Variants in ART4 observed in about 807,000 individuals in gnomAD.
The protein encoded by ART4 is ecto-ADP-ribosyltransferase 4.
ART4 carries 14 observed loss-of-function variants against 24.2 expected under a neutral mutation model. That is an observed-to-expected ratio of 0.58 (90% CI 0.38 to 0.90). ART4 has a LOEUF of 0.90. Ranked by LOEUF, ART4 falls within the 40% of genes least tolerant of loss-of-function variation. ART4 has a pLI of 0.00. For synonymous variants in ART4, 145 were observed against 139.9 expected, an observed-to-expected ratio of 1.04 and a Z score of -0.26; for missense variants, 356 against 366.6, an observed-to-expected ratio of 0.97 and a Z score of 0.24.
At chr12:14,841,918 T>G (rs1377606470) in intron 1 of ART4, among the ~76,000 whole-genome samples, 5 of 152,142 alleles carry the variant, frequency 3.3e-5, no homozygotes, top group African/African-American at 4.8e-5. Context: ...AGAGCCAAAC[T>G]CAGCACACCC....
rs1410302206 is a variant in ART4, at chr12:14,827,127, C to T, written c.*2244G>A. 1 of 151,658 alleles carries T rather than the reference C, an allele frequency of 6.6e-6. No individual in the cohort carries two copies. The highest frequency in any genetic ancestry group is 1.5e-5 in the Non-Finnish European group (1 of 67,990). 9.4% of individuals were successfully genotyped at this position (151,658 alleles called of 1,614,324 possible). On this transcript the variant is annotated 3_prime_UTR_variant, in exon 3 of 3. Transcript: ENST00000228936. Reference sequence around the variant, plus strand: ...AATTTCTCCTAAGAGATTGTAAACTCATGAGAGATCTGGCCTAGTGTTCTT... The same window carrying T: ...AATTTCTCCTAAGAGATTGTAAACTTATGAGAGATCTGGCCTAGTGTTCTT...
intron 2 of ART4, among the ~76,000 whole-genome samples, chr12:14,829,834 C>T (rs1950382126): frequency 6.6e-6 from 1 of 152,190 alleles, no homozygotes; most frequent in Non-Finnish European, 1.5e-5. Flanking sequence ...GTGCTAGGAT[C>T]TATTTCGAGC....
rs1950368687 is a variant in ART4 at position 14,827,769 on chromosome 12, A to G, written c.*1602T>C. The G allele has an allele frequency of 6.6e-6, 1 of 152,196 alleles. No individual in the cohort carries two copies. Among genetic ancestry groups the G allele is most frequent in the African/African-American group, 2.4e-5 (1 of 41,446 alleles). The allele number at this position is 152,196 out of a possible 1,614,324, so 9.4% of individuals were successfully genotyped here. ...GTGACAGAGGTGATTTGGCCCTGTT[A>G]GTTTCAAATCCCAATTTAAAGAATG... On this transcript the variant is annotated 3_prime_UTR_variant, in exon 3 of 3. Transcript: ENST00000228936.
At position 14,840,665 on chromosome 12, in the gene ART4, G is replaced by T. The variant is rs753518596; in HGVS notation, c.633C>A (p.Ser211=). 1 of 1,614,126 alleles carries T rather than the reference G, an allele frequency of 6.2e-7. No individual in the cohort carries two copies. The highest frequency in any genetic ancestry group is 8.5e-7 in the Non-Finnish European group (1 of 1,180,016). ...ACTCCTGTGCCTCTTCTTTCAGGAGGGATGTGGAGAGGAATTGGCCAAATC... is the reference window on the plus strand; with the variant it reads ...ACTCCTGTGCCTCTTCTTTCAGGAGTGATGTGGAGAGGAATTGGCCAAATC... The part of the protein sequence containing the change: ...TIRFGQFLST[S]LLKEEAQEFG... The change falls in exon 2 of 3, where the codon TCC becomes TCA. Residue 211 remains serine (S), a synonymous_variant. Transcript: ENST00000228936.
At position 14,826,052 on chromosome 12, in the gene ART4, A is replaced by G. The variant is rs551981933; in HGVS notation, c.*3319T>C. Reference sequence around the variant, plus strand: ...TGCATGAATTTACACATATTTGAGCATCCGCCTTATCTTTGGAAGATATCC... The same window carrying G: ...TGCATGAATTTACACATATTTGAGCGTCCGCCTTATCTTTGGAAGATATCC... On this transcript the variant is annotated 3_prime_UTR_variant, in exon 3 of 3. Transcript: ENST00000228936. The G allele has an allele frequency of 4.2e-4, 64 of 152,336 alleles. 1 individual carries two copies. The highest frequency in any genetic ancestry group is 1.4e-3 in the African/African-American group (60 of 41,584). The allele number at this position is 152,336 out of a possible 1,614,324, so 9.4% of individuals were successfully genotyped here. A position where few individuals can be genotyped will look rare whatever the true frequency, so the allele number is the denominator to read the frequency against.
intron 2 of ART4, among the ~76,000 whole-genome samples, chr12:14,833,836 C>G (rs1188623597): frequency 6.6e-6 from 1 of 152,122 alleles, no homozygotes; most frequent in African/African-American, 2.4e-5. Flanking sequence ...TGTCAAAATG[C>G]AAGGAGCAAG....
chr12:14,829,481 A>G lies in ART4; in HGVS notation c.854-19T>C, dbSNP rs770427581. On this transcript the variant is annotated intron_variant, in intron 2 of 2. Coordinates refer to ENST00000228936, the MANE Select transcript of ART4 (RefSeq NM_021071.4). ...CTGGAAGCTGTAAAAAACAAAACAA[A>G]GGAAATATTTTAGGTAGCAGAGTTT... is the stretch of plus-strand genomic sequence containing the variant. The G allele has an allele frequency of 1.9e-6, 3 of 1,585,206 alleles. No individual in the cohort carries two copies. The highest frequency in any genetic ancestry group is 2.6e-6 in the Non-Finnish European group (3 of 1,160,802).
chr12:14,830,927 G>C (rs1176585322), intron 2 of ART4, among the ~76,000 whole-genome samples: 1 of 151,244 alleles, frequency 6.6e-6, no homozygotes, highest in Non-Finnish European at 1.5e-5. Flanking sequence ...TCAATCATTA[G>C]AATGGTTCTC....
intron 1 of ART4, among the ~76,000 whole-genome samples, chr12:14,841,504 C>T (rs1220706844): frequency 6.6e-6 from 1 of 152,136 alleles, no homozygotes; most frequent in Non-Finnish European, 1.5e-5. Flanking sequence ...CCTCTACTTT[C>T]CCCCCTCTTT....
At chr12:14,834,474 T>C (rs12811845) in intron 2 of ART4, among the ~76,000 whole-genome samples, 51,693 of 152,094 alleles carry the variant, frequency 0.34, 9,331 homozygotes, top group Middle Eastern at 0.39. Context: ...TTCTCCCCAC[T>C]AGAATCGTAC....
chr12:14,833,617 T>G (rs1181277651), intron 2 of ART4, among the ~76,000 whole-genome samples: 2 of 152,198 alleles, frequency 1.3e-5, no homozygotes, highest in Non-Finnish European at 2.9e-5. Flanking sequence ...ATTTTATCAG[T>G]GTATTATAAC....
Position 14,841,065 on chromosome 12 carries a change from G to T in ART4, c.233C>A (p.Thr78Asn), listed in dbSNP as rs1370976618. 1.2e-6 allele frequency: 2 copies of T among 1,614,152 alleles called. No individual in the cohort carries two copies. The highest frequency in any genetic ancestry group is 4.5e-5 in the East Asian group (2 of 44,880). The change falls in exon 2 of 3, where the codon ACT (threonine) becomes AAT (asparagine). Residue 78 changes from threonine to asparagine, a missense_variant. Coordinates refer to ENST00000228936, the MANE Select transcript of ART4 (RefSeq NM_021071.4). ...GCSKQVMEKL[T>N]QGDYFTKDIE... ...GTCTTTTGTGAAATAATCCCCTTGA[G>T]TTAGTTTCTCCATAACCTGTTTGCT...
chr12:14,837,550 A>G (rs1280245125), intron 2 of ART4, among the ~76,000 whole-genome samples: 3 of 152,148 alleles, frequency 2.0e-5, no homozygotes, highest in Admixed American at 6.5e-5. Context: ...GTCTCACTCT[A>G]TCGCCCAGGC....
At chr12:14,831,638 T>C (rs1950396474) in intron 2 of ART4, among the ~76,000 whole-genome samples, 1 of 152,212 alleles carries the variant, frequency 6.6e-6, no homozygotes, top group East Asian at 1.9e-4. Context: ...TTTTCTCTCC[T>C]TTATTTATAC....
At position 14,828,980 on chromosome 12, in the gene ART4, A is replaced by G. The variant is rs1950375720; in HGVS notation, c.*391T>C. On this transcript the variant is annotated 3_prime_UTR_variant, in exon 3 of 3. Transcript: ENST00000228936. ...ATTCTATTTCCAATTGCAATTCCAC[A>G]AAAGTACCCTGATTGTATCTCACAG... is the stretch of plus-strand genomic sequence containing the variant. The G allele has an allele frequency of 6.5e-6, 1 of 154,010 alleles. No individual in the cohort carries two copies. The highest frequency in any genetic ancestry group is 1.4e-5 in the Non-Finnish European group (1 of 69,418). The allele number at this position is 154,010 out of a possible 1,614,324, so 9.5% of individuals were successfully genotyped here.
chr12:14,841,856 CAG>C (rs1426800908), intron 1 of ART4, among the ~76,000 whole-genome samples: 1 of 152,186 alleles, frequency 6.6e-6, no homozygotes, highest in African/African-American at 2.4e-5. Context: ...CATGGGGAAA[CAG>C]AGAACTGATG....
chr12:14,843,224 C>G lies in ART4; in HGVS notation c.-111G>C. The G allele has an allele frequency of 7.1e-7, 1 of 1,415,048 alleles. No individual in the cohort carries two copies. Among genetic ancestry groups the G allele is most frequent in the Non-Finnish European group, 9.6e-7 (1 of 1,038,134 alleles). 87.7% of individuals were successfully genotyped at this position (1,415,048 alleles called of 1,614,324 possible). A position where few individuals can be genotyped will look rare whatever the true frequency, so the allele number is the denominator to read the frequency against. On this transcript the variant is annotated 5_prime_UTR_variant, in exon 1 of 3. Transcript: ENST00000228936. ...CAGTCTCATCCGTAACCGTTTTTTC[C>G]CCTGTCTATGCTGAGCAACTTCTGT...
Position 14,829,887 on chromosome 12 carries a change from A to G in ART4, c.854-425T>C, listed in dbSNP as rs143453558. Among the ~76,000 whole-genome samples the G allele has an allele frequency of 3.3e-5, 5 of 152,292 alleles. No individual in the cohort carries two copies. The East Asian group carries it at 7.7e-4, about 23-fold the overall frequency. On this transcript the variant is annotated intron_variant, in intron 2 of 2. Coordinates refer to ENST00000228936, the MANE Select transcript of ART4 (RefSeq NM_021071.4). ...TTAAGCCTCACAACAAACCTATGAG[A>G]TTTTTATTCTCAATATCCTTGGTTT...
chr12:14,829,659 G>A (rs909772742), intron 2 of ART4, among the ~76,000 whole-genome samples, 197 bp from the exon 3 acceptor site: 3 of 152,116 alleles, frequency 2.0e-5, no homozygotes, highest in African/African-American at 7.2e-5. Context: ...GACACCAAGA[G>A]GTTAAAAGAT....
Sources: gnomAD v4.1 joint callset for allele counts (sites outside exome capture counted in the v4.1 genomes callset) on GRCh38, gnomAD v4.1.1 for gene constraint, MANE v1.5 for transcripts, NCBI Gene and HGNC (gene_info 2026-07-23, HGNC 2026-07-21) for gene names.